The following ETV7 variants were observed in gnomAD, a reference collection of about 807,000 sequenced individuals.
The protein encoded by ETV7 is ETS variant transcription factor 7.
A neutral mutation model predicts 39.1 loss-of-function variants in ETV7; 43 were observed. That is an observed-to-expected ratio of 1.10 (90% CI 0.86 to 1.42). ETV7 has a LOEUF of 1.42. ETV7 is among the 40% of genes most tolerant of loss of function. The pLI, the probability that ETV7 is intolerant of heterozygous loss-of-function variation, is 0.00. For missense variants in ETV7, 432 were observed against 442.3 expected (o/e 0.98, Z 0.21); for synonymous variants, 196 against 176.6 (o/e 1.11, Z -0.87).
intron 5 of ETV7, among the ~76,000 whole-genome samples, chr6:36,370,218 G>C (rs1390297033): frequency 3.3e-5 from 5 of 152,166 alleles, no homozygotes; most frequent in African/African-American, 1.2e-4. Context: ...GACCACTACA[G>C]GGGAAGAGCC....
downstream of ETV7, among the ~76,000 whole-genome samples, chr6:36,363,225 G>T (rs903017919): frequency 1.1e-4 from 17 of 152,254 alleles, no homozygotes; most frequent in Non-Finnish European, 1.8e-4. Flanking sequence ...TTCAGGTGGC[G>T]CATCTGGAGT....
chr6:36,369,636 C>T (rs1772909429), intron 5 of ETV7, among the ~76,000 whole-genome samples: 1 of 152,226 alleles, frequency 6.6e-6, no homozygotes, highest in African/African-American at 2.4e-5. Context: ...TCGGCTGGGC[C>T]ATTGCAGGCA....
intron 2 of ETV7, among the ~76,000 whole-genome samples, chr6:36,377,327 C>T (rs2127397109): frequency 6.6e-6 from 1 of 152,182 alleles, no homozygotes; most frequent in African/African-American, 2.4e-5. Context: ...TTTAGCCGGG[C>T]ATAGTGATGC....
chr6:36,364,930 C>T (rs148461829), downstream of ETV7, among the ~76,000 whole-genome samples: 205 of 152,344 alleles, frequency 1.3e-3, 1 homozygote, highest in Middle Eastern at 0.01. Flanking sequence ...GCCCCCCTGC[C>T]GGTGAGTACC....
downstream of ETV7, among the ~76,000 whole-genome samples, chr6:36,362,402 G>A (rs1462467557): frequency 6.6e-6 from 1 of 152,150 alleles, no homozygotes; most frequent in East Asian, 1.9e-4. Context: ...AGCAGAGGTT[G>A]CAGTGAGCTG....
chr6:36,369,789 C>T (rs1772917353), intron 5 of ETV7, among the ~76,000 whole-genome samples: 1 of 151,968 alleles, frequency 6.6e-6, no homozygotes, highest in Non-Finnish European at 1.5e-5. Flanking sequence ...TTGAAGAATT[C>T]AGTAATTGCA....
At chr6:36,382,532 C>A (rs1292722133) in intron 2 of ETV7, among the ~76,000 whole-genome samples, 1 of 152,152 alleles carries the variant, frequency 6.6e-6, no homozygotes. Context: ...ATCTGAGAAG[C>A]CCTGGTCTGG....
intron 7 of ETV7, among the ~76,000 whole-genome samples, chr6:36,356,323 C>CAAAAAAAAAAAAAAAAAAAAAAAAAA (rs59649348): frequency 6.4e-5 from 5 of 77,652 alleles, no homozygotes; most frequent in Non-Finnish European, 1.4e-4. Context: ...GACCCTGTCT[C>CAAAAAAAAAAAAAAAAAAAAAAAAAA]AAAAAAAAAA....
At position 36,375,862 on chromosome 6, in the gene ETV7, T is replaced by C. The variant is rs199556937; in HGVS notation, c.307+9A>G. The C allele has an allele frequency of 2.5e-5, 40 of 1,613,980 alleles. No individual in the cohort carries two copies. The East Asian group carries it at 8.2e-4, about 33-fold the overall frequency. On this transcript the variant is annotated intron_variant, in intron 3 of 7. Transcript: ENST00000340181. ...CCCGCTTAGAGGAAAGCCTGTGCGT[T>C]TCCCTGACCTGAGCTGGGCGCACGG...
chr6:36,369,142 A>C, intron 5 of ETV7, 71 bp from the exon 6 acceptor site: 1 of 1,587,048 alleles, frequency 6.3e-7, no homozygotes, highest in Non-Finnish European at 8.6e-7. Context: ...TTAGAAAGGC[A>C]CTCTTGGAAG....
At chr6:36,357,012 TG>T (rs1161411594) in intron 7 of ETV7, among the ~76,000 whole-genome samples, 48 of 152,278 alleles carry the variant, frequency 3.2e-4, no homozygotes, top group Admixed American at 1.2e-3. Context: ...GGAGTTTTGA[TG>T]GGAAGTTGGG....
intron 5 of ETV7, among the ~76,000 whole-genome samples, chr6:36,370,258 G>A (rs573612934): frequency 5.9e-5 from 9 of 152,256 alleles, no homozygotes; most frequent in African/African-American, 2.2e-4. Context: ...ATCACAGGCC[G>A]GCACGGTGGT....
chr6:36,386,660 A>G (rs956403837), intron 1 of ETV7, among the ~76,000 whole-genome samples: 1 of 152,226 alleles, frequency 6.6e-6, no homozygotes, highest in Non-Finnish European at 1.5e-5. Flanking sequence ...ATCTGCCGAG[A>G]GAGAATTTGG....
chr6:36,379,491 T>C (rs190151815), intron 2 of ETV7, among the ~76,000 whole-genome samples: 145 of 150,338 alleles, frequency 9.6e-4, no homozygotes, highest in African/African-American at 2.4e-3. Flanking sequence ...ACGGATGCAA[T>C]GAGCTATGAT....
chr6:36,371,531 G>A lies in ETV7; in HGVS notation c.463C>T (p.Arg155Ter), dbSNP rs200172397. ...EVTGPSQMDT[R>*]RGHLLQPPDP... is the part of the protein sequence containing the mutation. ...GGTGGCTGCAGCAGGTGGCCCCTTCGGGTGTCCATCTGAGAGGGGCCAGTC... is the reference window on the plus strand; with the variant it reads ...GGTGGCTGCAGCAGGTGGCCCCTTCAGGTGTCCATCTGAGAGGGGCCAGTC... Residue 155 changes from arginine to a stop codon, truncating the protein, a stop_gained, in exon 5 of 8, where the codon CGA (arginine) becomes TGA (stop). Coordinates refer to ENST00000340181, the MANE Select transcript of ETV7 (RefSeq NM_016135.4). LOFTEE classifies it high-confidence loss of function. 2.2e-5 allele frequency: 35 copies of A among 1,601,458 alleles called. No individual in the cohort carries two copies. Among genetic ancestry groups the A allele is most frequent in the African/African-American group, 2.7e-5 (2 of 74,860 alleles).
intron 2 of ETV7, among the ~76,000 whole-genome samples, chr6:36,379,725 A>T (rs112580320): frequency 0.015 from 2,215 of 151,926 alleles, 46 homozygotes; most frequent in African/African-American, 0.049. Context: ...AAAATAAAAA[A>T]ATTAGCCAGG....
At chr6:36,373,927 C>T (rs954479179) in intron 3 of ETV7, among the ~76,000 whole-genome samples, 4 of 152,202 alleles carry the variant, frequency 2.6e-5, no homozygotes, top group African/African-American at 9.7e-5. Context: ...CTGTACCTCA[C>T]GTTCCTGGGA....
At chr6:36,359,257 C>T (rs1772414345) in intron 7 of ETV7, among the ~76,000 whole-genome samples, 1 of 152,088 alleles carries the variant, frequency 6.6e-6, no homozygotes, top group African/African-American at 2.4e-5. Context: ...TCAAGACCAG[C>T]CTGACCAACA....
chr6:36,385,654 T>C lies in ETV7; in HGVS notation c.22A>G (p.Ile8Val). ...GCTGCCACAGGGCTTATAGGAGAAATAGCCAATTCTCCCTCCTAGAGAGAG... is the reference window on the plus strand; with the variant it reads ...GCTGCCACAGGGCTTATAGGAGAAACAGCCAATTCTCCCTCCTAGAGAGAG... MQEGELA[I>V]SPISPVAAMP... Residue 8 changes from isoleucine to valine, a missense_variant, in exon 2 of 8, where the codon ATT (isoleucine) becomes GTT (valine). Transcript: ENST00000340181. The C allele has an allele frequency of 6.2e-7, 1 of 1,612,720 alleles. No individual in the cohort carries two copies. The highest frequency in any genetic ancestry group is 1.3e-5 in the African/African-American group (1 of 74,908).
Sources: allele counts gnomAD v4.1 joint callset (sites outside exome capture counted in the v4.1 genomes callset), GRCh38; gene constraint gnomAD v4.1.1; transcripts MANE v1.5; gene names NCBI Gene and HGNC (gene_info 2026-07-23, HGNC 2026-07-21).